The following RGPD2 variants were observed in gnomAD, a reference collection of about 807,000 sequenced individuals.
RGPD2 encodes the protein RANBP2-like and GRIP domain-containing protein 2.
In RGPD2, 2 loss-of-function variants were observed where a neutral mutation model predicts 36.0. The ratio of observed to expected loss-of-function variants is 0.06; its 90% CI spans 0.02 to 0.17. The LOEUF (loss-of-function observed/expected upper bound fraction) is 0.17, where lower values mean the gene tolerates loss of function less well. Ranked by LOEUF, RGPD2 falls within the 10% of genes least tolerant of loss-of-function variation. RGPD2 has a pLI of 1.00. For synonymous variants in RGPD2, 19 were observed against 163.8 expected, an observed-to-expected ratio of 0.12 and a Z score of 6.75; for missense variants, 40 against 464.3, an observed-to-expected ratio of 0.09 and a Z score of 8.40.
At chr2:87,973,263 C>G in the RGPD2 span, among the ~76,000 whole-genome samples, 1 of 149,418 alleles carries the variant, frequency 6.7e-6, no homozygotes, top group African/African-American at 2.5e-5. Flanking sequence ...CCCCTGCCCC[C>G]ACACCCCCCT....
chr2:87,928,952 C>A, the RGPD2 span, among the ~76,000 whole-genome samples: 1 of 151,632 alleles, frequency 6.6e-6, no homozygotes, highest in South Asian at 2.1e-4. Context: ...GATATTAGAC[C>A]TTTGCTAGAC....
chr2:87,807,380 G>GTTTTTTTTTTTTTT (rs992462711), intron 6 of RGPD2, among the ~76,000 whole-genome samples: 2 of 81,952 alleles, frequency 2.4e-5, no homozygotes, highest in African/African-American at 6.4e-5. Flanking sequence ...GCGTTAAATT[G>GTTTTTTTTTTTTTT]TTTTTTTTTT....
At chr2:87,825,882 T>G (rs547375850), upstream of RGPD2, 1 of 1,002,764 alleles carries the variant, frequency 1.0e-6, no homozygotes, top group African/African-American at 1.7e-5. Flanking sequence ...CTGTGTATCC[T>G]TGGCGACGTC....
the RGPD2 span, among the ~76,000 whole-genome samples, chr2:87,927,399 T>C: frequency 1.5e-5 from 2 of 130,072 alleles, 1 homozygote; most frequent in Admixed American, 1.5e-4. Context: ...CATTTGTCAT[T>C]CAAAAAAAAT....
At chr2:87,924,529 G>A in the RGPD2 span, among the ~76,000 whole-genome samples, 2 of 152,212 alleles carry the variant, frequency 1.3e-5, no homozygotes, top group African/African-American at 2.4e-5. Flanking sequence ...TTTTTTCTAG[G>A]AGAAGATTGC....
chr2:87,852,833 C>A, the RGPD2 span, among the ~76,000 whole-genome samples: 1 of 152,286 alleles, frequency 6.6e-6, no homozygotes, highest in African/African-American at 2.4e-5. Flanking sequence ...TCCAGCACTT[C>A]CTATTTGTTA....
chr2:87,983,132 C>G, the RGPD2 span, among the ~76,000 whole-genome samples: 1 of 149,842 alleles, frequency 6.7e-6, no homozygotes, highest in Non-Finnish European at 1.5e-5. Context: ...CCAGCATAGC[C>G]CACATGGCAA....
the RGPD2 span, among the ~76,000 whole-genome samples, chr2:87,844,257 AG>A: frequency 1.4e-5 from 2 of 142,542 alleles, no homozygotes; most frequent in African/African-American, 5.2e-5. Context: ...GGTTTTTAAT[AG>A]TTTTTGCTTT....
At chr2:87,869,863 T>C in the RGPD2 span, among the ~76,000 whole-genome samples, 4 of 152,242 alleles carry the variant, frequency 2.6e-5, no homozygotes, top group Admixed American at 1.3e-4. Context: ...ATGAAGTAGA[T>C]CATTCCCGTC....
the RGPD2 span, among the ~76,000 whole-genome samples, chr2:87,976,440 C>G: frequency 6.6e-6 from 1 of 152,082 alleles, no homozygotes; most frequent in Non-Finnish European, 1.5e-5. Context: ...AGGGCTCTCT[C>G]TCAAATGTAA....
rs771252838 is a variant in RGPD2, at chr2:87,771,383, GTTTTTTTTTTT to G, written c.5236+775_5236+785del. ...GGAAACCAACTCTAACTACATCATAGTTTTTTTTTTTTTTTTTTTTTTTTTTTTTTTTGAGA... is the reference window on the plus strand; with the variant it reads ...GGAAACCAACTCTAACTACATCATAGTTTTTTTTTTTTTTTTTTTTTGAGA... On this transcript the variant is annotated intron_variant, in intron 22 of 22. Coordinates refer to ENST00000398146, the MANE Select transcript of RGPD2 (RefSeq NM_001078170.3). The G allele has an allele frequency of 2.7e-3, 62 of 22,716 alleles. 1 individual carries two copies. The highest frequency in any genetic ancestry group is 6.0e-3 in the East Asian group (6 of 1,006). 1.4% of individuals were successfully genotyped at this position (22,716 alleles called of 1,614,324 possible).
chr2:87,857,622 G>T, the RGPD2 span, among the ~76,000 whole-genome samples: 1 of 151,906 alleles, frequency 6.6e-6, no homozygotes, highest in East Asian at 2.0e-4. Context: ...ACCGCGCCTG[G>T]CCCAAAATAT....
At chr2:87,831,151 A>G in the RGPD2 span, among the ~76,000 whole-genome samples, 3 of 152,214 alleles carry the variant, frequency 2.0e-5, no homozygotes, top group African/African-American at 7.2e-5. Flanking sequence ...TCTAGAGATT[A>G]AAAATGCAGT....
intron 1 of RGPD2, 99 bp downstream of exon 1, chr2:87,825,558 GT>G (rs1197225297): frequency 2.7e-5 from 25 of 935,118 alleles, no homozygotes; most frequent in East Asian, 2.6e-4. Flanking sequence ...GCCCGGCCAG[GT>G]CGAGGCCGCC....
chr2:87,824,950 A>C, intron 1 of RGPD2: 2 of 382,096 alleles, frequency 5.2e-6, no homozygotes, highest in Non-Finnish European at 9.3e-6. Context: ...AAATGCCCCA[A>C]CTAAATACTA....
At chr2:87,989,202 T>C in the RGPD2 span, 1 of 388,828 alleles carries the variant, frequency 2.6e-6, no homozygotes. Context: ...GTAAATAAAA[T>C]CTGTGCATTC....
the RGPD2 span, among the ~76,000 whole-genome samples, chr2:87,864,720 T>G: frequency 6.6e-6 from 1 of 152,300 alleles, no homozygotes; most frequent in African/African-American, 2.4e-5. Flanking sequence ...GAACATCTTT[T>G]CATGTGCTTG....
At chr2:87,818,188 C>T (rs1686290528) in intron 2 of RGPD2, among the ~76,000 whole-genome samples, 2 of 59,838 alleles carry the variant, frequency 3.3e-5, no homozygotes, top group African/African-American at 1.0e-4. Context: ...ATTCTCCTGC[C>T]TTACAATTAC....
the RGPD2 span, among the ~76,000 whole-genome samples, chr2:87,868,855 T>A: frequency 1.3e-5 from 2 of 152,146 alleles, no homozygotes; most frequent in Non-Finnish European, 2.9e-5. Context: ...TGACCCTCTT[T>A]AAATTTTCAG....
Sources: gnomAD v4.1 joint callset for allele counts (sites outside exome capture counted in the v4.1 genomes callset) on GRCh38, gnomAD v4.1.1 for gene constraint, MANE v1.5 for transcripts, NCBI Gene and HGNC (gene_info 2026-07-23, HGNC 2026-07-21) for gene names.